AKAP4: variants seen among roughly 807,000 people sequenced by gnomAD.
The protein encoded by AKAP4 is A-kinase anchoring protein 4, also known as A-kinase anchor protein 4.
Under a neutral mutation model 42.6 loss-of-function variants are expected in AKAP4, and 4 were observed. The ratio of observed to expected loss-of-function variants is 0.09; its 90% CI spans 0.05 to 0.22. The LOEUF is 0.22. Among genes scored for constraint, AKAP4 ranks in the 10% least tolerant of loss-of-function variants. The pLI, the probability that AKAP4 is intolerant of heterozygous loss-of-function variation, is 1.00. For synonymous variants in AKAP4, 223 were observed against 233.0 expected (o/e 0.96, Z 0.39); for missense variants, 551 against 630.7 (o/e 0.87, Z 1.35).
Position 50,193,177 on chromosome X carries a change from T to G in AKAP4, c.1536A>C (p.Gln512His), listed in dbSNP as rs1557203914. 8.3e-7 allele frequency: 1 copy of G among 1,211,963 alleles called. No individual in the cohort carries two copies. The highest frequency in any genetic ancestry group is 1.8e-5 in the South Asian group (1 of 56,984). ...TGGTAGCCACCTTGCATGAGTTTCC[T>G]TGCTTTTGGTTCCAGATGGTTAGGC... ...KEGLTIWNQK[Q>H]GNSCKVATKA... Residue 512 changes from glutamine to histidine, a missense_variant, in exon 5 of 6, where the codon CAA becomes CAC. By Grantham distance (24) the Gln-to-His change is conservative. Coordinates refer to ENST00000358526, the MANE Select transcript of AKAP4 (RefSeq NM_003886.3).
chrX:50,196,848 C>G, intron 4 of AKAP4, 43 bp downstream of exon 4: 4 of 984,252 alleles, frequency 4.1e-6, no homozygotes, highest in Non-Finnish European at 5.8e-6. Flanking sequence ...CATCATTGAG[C>G]TCTGAGAATT....
At chrX:50,197,448 C>A in intron 3 of AKAP4, 96 bp downstream of exon 3, 1 of 816,320 alleles carries the variant, frequency 1.2e-6, no homozygotes, top group East Asian at 3.4e-5. Context: ...CCTCCTTTCC[C>A]CTCTCTCCCC....
In AKAP4 at chrX:50,193,578, C is replaced by G; in HGVS notation, c.1135G>C (p.Val379Leu). The change falls in exon 5 of 6, where the codon GTG becomes CTG. Residue 379 changes from valine (V) to leucine (L), a missense_variant. Val to Leu is a conservative substitution (Grantham distance 32). Coordinates refer to ENST00000358526, the MANE Select transcript of AKAP4 (RefSeq NM_003886.3). The part of the protein sequence containing the change: ...RVLLRHTKEI[V>L]SDLIDSCMKN... ...ATGCAAGAATCAATCAAATCGGACA[C>G]AATCTCCTTGGTGTGCCTTAGCAAC... The G allele has an allele frequency of 8.3e-7, 1 of 1,211,816 alleles. No homozygotes were observed. The highest frequency in any genetic ancestry group is 1.1e-6 in the Non-Finnish European group (1 of 895,548).
chrX:50,193,407 C>T lies in AKAP4; in HGVS notation c.1306G>A (p.Gly436Ser), dbSNP rs782437666. 1 of 1,211,793 alleles carries T rather than the reference C, an allele frequency of 8.3e-7. No individual in the cohort carries two copies. Among genetic ancestry groups the T allele is most frequent in the African/African-American group, 1.7e-5 (1 of 57,814 alleles). The stretch of plus-strand genomic sequence containing the variant: ...TGAGACTTAGTCTCCTTCTCCTCAC[C>T]TATAAGGGCACTGACCAAGCGCTTC... Reference protein sequence around the residue: ...MLKRLVSALIGEEKETKSQSL... With the variant: ...MLKRLVSALISEEKETKSQSL... Residue 436 changes from glycine to serine, a missense_variant, in exon 5 of 6, where the codon GGT becomes AGT. Gly to Ser is a moderately conservative substitution (Grantham distance 56). Transcript: ENST00000358526.
chrX:50,200,732 A>G, intron 1 of AKAP4, 131 bp downstream of exon 1: 1 of 606,187 alleles, frequency 1.6e-6, no homozygotes, highest in East Asian at 3.3e-5. Flanking sequence ...ATGTTGATCA[A>G]AATCTTTTCT....
chrX:50,196,778 A>G (rs1935196225), intron 4 of AKAP4, 113 bp downstream of exon 4: 1 of 534,649 alleles, frequency 1.9e-6, no homozygotes, highest in Non-Finnish European at 3.1e-6. Context: ...ATAGTATTCA[A>G]ATTGATGAGC....
intron 2 of AKAP4, 63 bp downstream of exon 2, chrX:50,198,594 A>T: frequency 1.1e-6 from 1 of 875,361 alleles, no homozygotes; most frequent in Non-Finnish European, 1.7e-6. Flanking sequence ...CTTGGGCCCC[A>T]GGATATCTAT....
In AKAP4 at chrX:50,190,895, G is replaced by T; in HGVS notation, c.*65C>A. Reference sequence around the variant, plus strand: ...TGTGCAGTTGACTGGCCTGATGGTGGGGGTGCTCTGGCTGGGATGGAATGC... The same window carrying T: ...TGTGCAGTTGACTGGCCTGATGGTGTGGGTGCTCTGGCTGGGATGGAATGC... On this transcript the variant is annotated 3_prime_UTR_variant, in exon 6 of 6. Transcript: ENST00000358526. 8.5e-7 allele frequency: 1 copy of T among 1,172,063 alleles called. No homozygotes were observed. The highest frequency in any genetic ancestry group is 1.8e-5 in the African/African-American group (1 of 57,068).
chrX:50,197,931 C>T (rs782533211), intron 2 of AKAP4, among the ~76,000 whole-genome samples: 1 of 112,114 alleles, frequency 8.9e-6, no homozygotes, highest in Admixed American at 9.4e-5. Flanking sequence ...CTGACACAAA[C>T]TTAAATGTGG....
chrX:50,197,448 CCT>C, intron 3 of AKAP4, 94 bp downstream of exon 3: 1 of 816,320 alleles, frequency 1.2e-6, no homozygotes. Flanking sequence ...CCTCCTTTCC[CCT>C]CTCTCCCCCC....
intron 1 of AKAP4, among the ~76,000 whole-genome samples, 155 bp downstream of exon 1, chrX:50,200,708 G>A (rs1439660434): frequency 2.7e-5 from 3 of 111,820 alleles, no homozygotes; most frequent in Non-Finnish European, 5.6e-5. Flanking sequence ...TTAGATTTAC[G>A]TAGAAACAGA....
chrX:50,198,517 GC>G, intron 2 of AKAP4, 139 bp downstream of exon 2: 1 of 437,124 alleles, frequency 2.3e-6, no homozygotes, highest in South Asian at 3.7e-5. Flanking sequence ...GAGCATGCTG[GC>G]CCCTGACAGA....
chrX:50,194,524 T>G, intron 4 of AKAP4, 88 bp from the exon 5 acceptor site: 1 of 774,082 alleles, frequency 1.3e-6, no homozygotes, highest in South Asian at 2.8e-5. Flanking sequence ...AGATTAGGGA[T>G]TTGACCTTTT....
At chrX:50,199,759 C>T (rs1460316225) in intron 1 of AKAP4, among the ~76,000 whole-genome samples, 1 of 64,252 alleles carries the variant, frequency 1.6e-5, no homozygotes, top group African/African-American at 5.9e-5. Flanking sequence ...CCCGCTCTCC[C>T]TTCTGCCCTT....
At chrX:50,191,220 C>T (rs1272405404) in intron 5 of AKAP4, 105 bp from the exon 6 acceptor site, 57 of 856,640 alleles carry the variant, frequency 6.7e-5, no homozygotes, top group Non-Finnish European at 6.6e-6. Context: ...AACCTCCTCA[C>T]CCACACCCAC....
chrX:50,194,244 T>C lies in AKAP4; in HGVS notation c.469A>G (p.Ser157Gly), dbSNP rs1557204129. The change falls in exon 5 of 6, where the codon AGT becomes GGT. Residue 157 changes from serine (S) to glycine (G), a missense_variant. Physicochemically the swap from Ser to Gly is moderately conservative, Grantham distance 56. Coordinates refer to ENST00000358526, the MANE Select transcript of AKAP4 (RefSeq NM_003886.3). ...ATGTTCACTTGATCGGCATAGACAC[T>C]GTAGCAGTTCTCAGAGGATGCTCTG... is the stretch of plus-strand genomic sequence containing the variant. Reference protein sequence around the residue: ...YHRASSENCYSVYADQVNIDY... With the variant: ...YHRASSENCYGVYADQVNIDY... 1.7e-6 allele frequency: 2 copies of C among 1,211,020 alleles called. No individual in the cohort carries two copies. Among genetic ancestry groups the C allele is most frequent in the South Asian group, 3.5e-5 (2 of 56,867 alleles).
At position 50,192,723 on chromosome X, in the gene AKAP4, C is replaced by T. The variant is rs782392195; in HGVS notation, c.1990G>A (p.Ala664Thr). 1 of 1,212,195 alleles carries T rather than the reference C, an allele frequency of 8.2e-7. No homozygotes were observed. Among genetic ancestry groups the T allele is most frequent in the East Asian group, 3.0e-5 (1 of 33,850 alleles). Residue 664 changes from alanine (A) to threonine (T), a missense_variant, in exon 5 of 6, where the codon GCT becomes ACT. Coordinates refer to ENST00000358526, the MANE Select transcript of AKAP4 (RefSeq NM_003886.3). ...TTGTCAGATCTGTTGGACATGGAAG[C>T]TGCTTTGCTTGCCCTGGGCTCAGAA... ...KCSEPRASKAASMSNRSDKAE... is the reference protein window; with the variant it reads ...KCSEPRASKATSMSNRSDKAE...
intron 4 of AKAP4, among the ~76,000 whole-genome samples, chrX:50,195,963 TGA>T (rs1259125549): frequency 1.8e-5 from 2 of 111,197 alleles, no homozygotes; most frequent in Non-Finnish European, 3.8e-5. Flanking sequence ...TCTGGAAATG[TGA>T]GGTCATGATA....
At chrX:50,196,107 T>C (rs907819789) in intron 4 of AKAP4, among the ~76,000 whole-genome samples, 1 of 112,123 alleles carries the variant, frequency 8.9e-6, no homozygotes. Context: ...CAAAATTGAG[T>C]TGGCCATACC....
Sources: allele counts gnomAD v4.1 joint callset (sites outside exome capture counted in the v4.1 genomes callset), GRCh38; gene constraint gnomAD v4.1.1; transcripts MANE v1.5; gene names NCBI Gene and HGNC (gene_info 2026-07-23, HGNC 2026-07-21).